Variants in EPHA6 observed in about 807,000 individuals in gnomAD.
EPHA6 encodes the protein EPH receptor A6.
Under a neutral mutation model 112.0 loss-of-function variants are expected in EPHA6, and 50 were observed. The observed-to-expected ratio is 0.45, with a 90% CI of 0.36 to 0.56. The LOEUF is 0.56. EPHA6 is among the 20% of genes least tolerant of loss of function. EPHA6 has a pLI of 0.00. For synonymous variants in EPHA6, 529 were observed against 490.7 expected, an observed-to-expected ratio of 1.08 and a Z score of -1.03; for missense variants, 1,280 against 1,417.4, an observed-to-expected ratio of 0.90 and a Z score of 1.56.
intron 3 of EPHA6, among the ~76,000 whole-genome samples, chr3:97,012,020 T>G (rs547778442): frequency 6.6e-6 from 1 of 152,334 alleles, no homozygotes; most frequent in African/African-American, 2.4e-5. Flanking sequence ...TAGTACTCCA[T>G]GGTACATATA....
rs951708841 is a variant in EPHA6, at chr3:96,994,740, G to T, written c.1114+6747G>T. ...ATATATATATATATATATAGAGAGA[G>T]AGAGAGAGAGAGAGAGAGAGAGCTA... On this transcript the variant is annotated intron_variant, in intron 3 of 17. Coordinates refer to ENST00000389672, the MANE Select transcript of EPHA6 (RefSeq NM_001080448.3). Among the ~76,000 whole-genome samples the T allele has an allele frequency of 2.7e-3, 338 of 126,450 alleles. 1 individual carries two copies. Among genetic ancestry groups the T allele is most frequent in the South Asian group, 5.6e-3 (24 of 4,294 alleles). The allele number at this position is 126,450 out of a possible 152,430, so 83.0% of individuals were successfully genotyped here.
At chr3:97,015,915 G>A (rs1022691440) in intron 3 of EPHA6, among the ~76,000 whole-genome samples, 1 of 152,034 alleles carries the variant, frequency 6.6e-6, no homozygotes, top group African/African-American at 2.4e-5. Flanking sequence ...AAACATTTAA[G>A]GAAAATCAGT....
At chr3:96,857,599 A>G (rs2035770092) in intron 1 of EPHA6, among the ~76,000 whole-genome samples, 1 of 152,136 alleles carries the variant, frequency 6.6e-6, no homozygotes, top group African/African-American at 2.4e-5. Flanking sequence ...TTATCAAATA[A>G]TTGTGCTAAG....
At chr3:97,516,927 C>T (rs1009304693) in intron 10 of EPHA6, among the ~76,000 whole-genome samples, 7 of 151,906 alleles carry the variant, frequency 4.6e-5, no homozygotes, top group African/African-American at 1.7e-4. Flanking sequence ...TTCATTCATG[C>T]AACAAATATT....
At chr3:97,515,335 G>C (rs569525276) in intron 10 of EPHA6, among the ~76,000 whole-genome samples, 1 of 152,162 alleles carries the variant, frequency 6.6e-6, no homozygotes, top group Non-Finnish European at 1.5e-5. Flanking sequence ...ACAGTGCTGG[G>C]TGTTTTATGT....
At chr3:97,716,134 C>A (rs2107778450) in intron 14 of EPHA6, among the ~76,000 whole-genome samples, 1 of 152,206 alleles carries the variant, frequency 6.6e-6, no homozygotes, top group Non-Finnish European at 1.5e-5. Context: ...AAACCTGAAG[C>A]AAACATCTGG....
At chr3:96,977,688 CTG>C (rs113122829) in intron 2 of EPHA6, among the ~76,000 whole-genome samples, 6,423 of 152,082 alleles carry the variant, frequency 0.042, 429 homozygotes, top group African/African-American at 0.14. Context: ...AGATTGACCT[CTG>C]TGTTATTGAA....
At chr3:97,706,856 GTTA>G (rs2033705419) in intron 14 of EPHA6, among the ~76,000 whole-genome samples, 1 of 151,086 alleles carries the variant, frequency 6.6e-6, no homozygotes, top group Non-Finnish European at 1.5e-5. Context: ...CCTCTGTGCT[GTTA>G]TTATTTATTT....
At chr3:97,194,354 A>T (rs1196159521) in intron 3 of EPHA6, among the ~76,000 whole-genome samples, 1 of 151,170 alleles carries the variant, frequency 6.6e-6, no homozygotes, top group African/African-American at 2.4e-5. Context: ...AAATTGTAAG[A>T]TTTTCATGTG....
At chr3:97,731,555 A>C (rs2035037281) in intron 15 of EPHA6, among the ~76,000 whole-genome samples, 1 of 152,088 alleles carries the variant, frequency 6.6e-6, no homozygotes, top group African/African-American at 2.4e-5. Flanking sequence ...TCGAGAGGCT[A>C]CCATGATGAT....
chr3:97,277,955 G>T (rs768460749), intron 5 of EPHA6, among the ~76,000 whole-genome samples: 2 of 152,194 alleles, frequency 1.3e-5, no homozygotes, highest in African/African-American at 4.8e-5. Flanking sequence ...GATGTCACCA[G>T]ATGACAGCAA....
intron 11 of EPHA6, among the ~76,000 whole-genome samples, chr3:97,590,932 C>A (rs1402042914): frequency 1.3e-5 from 2 of 152,168 alleles, no homozygotes; most frequent in Non-Finnish European, 2.9e-5. Flanking sequence ...ACATTGCACA[C>A]AGACACATAT....
At chr3:97,447,227 A>T (rs1402987663) in intron 6 of EPHA6, among the ~76,000 whole-genome samples, 1 of 152,180 alleles carries the variant, frequency 6.6e-6, no homozygotes, top group Non-Finnish European at 1.5e-5. Context: ...TAAATCTTAA[A>T]GCATCACCAG....
intron 13 of EPHA6, among the ~76,000 whole-genome samples, chr3:97,615,789 C>A (rs1170582424): frequency 2.0e-5 from 3 of 152,166 alleles, no homozygotes; most frequent in Non-Finnish European, 4.4e-5. Context: ...CCAGCCACCC[C>A]CTCCTGTGTT....
rs1576413576 is a variant in EPHA6 at position 97,760,757 on chromosome 3, A to C, written c.*12056A>C. 1 of 183,356 alleles carries C rather than the reference A, an allele frequency of 5.5e-6. No individual in the cohort carries two copies. The highest frequency in any genetic ancestry group is 8.9e-5 in the East Asian group (1 of 11,260). The allele number at this position is 183,356 out of a possible 1,614,324, so 11.4% of individuals were successfully genotyped here. On this transcript the variant is annotated 3_prime_UTR_variant, in exon 18 of 18. Transcript: ENST00000389672. ...ATAACATGTCTAGGTTGAGATATTT[A>C]ATCCCTCATAGAGCTATATTTGACT...
chr3:96,922,657 A>G (rs2039828009), intron 2 of EPHA6, among the ~76,000 whole-genome samples: 1 of 150,838 alleles, frequency 6.6e-6, no homozygotes, highest in East Asian at 1.9e-4. Context: ...TTTTTTTCCG[A>G]CTTTGAAGTT....
chr3:97,230,479 C>T (rs1158231202), intron 4 of EPHA6, among the ~76,000 whole-genome samples: 1 of 151,964 alleles, frequency 6.6e-6, no homozygotes, highest in African/African-American at 2.4e-5. Flanking sequence ...AAATGCTAGC[C>T]TAGCTTGTTT....
At chr3:97,706,322 A>G (rs1344083047) in intron 14 of EPHA6, among the ~76,000 whole-genome samples, 2 of 152,192 alleles carry the variant, frequency 1.3e-5, no homozygotes, top group East Asian at 3.8e-4. Flanking sequence ...ACAACAAACA[A>G]AGGACAATAA....
chr3:97,090,958 C>G (rs1470711048), intron 3 of EPHA6, among the ~76,000 whole-genome samples: 1 of 151,962 alleles, frequency 6.6e-6, no homozygotes, highest in African/African-American at 2.4e-5. Flanking sequence ...GTTTTAACAC[C>G]TGTTTACACT....
Sources: gnomAD v4.1 joint callset for allele counts (sites outside exome capture counted in the v4.1 genomes callset) on GRCh38, gnomAD v4.1.1 for gene constraint, MANE v1.5 for transcripts, NCBI Gene and HGNC (gene_info 2026-07-23, HGNC 2026-07-21) for gene names.